Variants in HEATR5B observed in about 807,000 individuals in gnomAD.
HEATR5B encodes HEAT repeat containing 5B, also known as HEAT repeat-containing protein 5B.
In HEATR5B, 156 loss-of-function variants were observed where a neutral mutation model predicts 224.1. The observed-to-expected ratio is 0.70, with a 90% CI of 0.61 to 0.80. The LOEUF (loss-of-function observed/expected upper bound fraction) is 0.80. Among genes scored for constraint, HEATR5B ranks in the 30% least tolerant of loss-of-function variants. The probability of loss-of-function intolerance (pLI) is 0.00; values close to 1 mark genes in which losing one functional copy is unlikely to be tolerated. For missense variants in HEATR5B, 2,323 were observed against 2,535.5 expected (o/e 0.92, Z 1.80); for synonymous variants, 1,027 against 893.0 (o/e 1.15, Z -2.68).
At chr2:37,013,117 G>A (rs887418228) in intron 27 of HEATR5B, among the ~76,000 whole-genome samples, 21 of 152,154 alleles carry the variant, frequency 1.4e-4, no homozygotes, top group East Asian at 7.7e-4. Flanking sequence ...TTAGATTAGC[G>A]GAAAAGCTTA....
rs1158767769 is a variant in HEATR5B, at chr2:37,049,734, G to A, written c.2615C>T (p.Ala872Val). 1.9e-6 allele frequency: 3 copies of A among 1,613,480 alleles called. No homozygotes were observed. The highest frequency in any genetic ancestry group is 2.5e-6 in the Non-Finnish European group (3 of 1,179,906). The change falls in exon 18 of 36, where the codon GCG (alanine) becomes GTG (valine). Residue 872 changes from alanine (A) to valine (V), a missense_variant. By Grantham distance (64) the Ala-to-Val change is moderately conservative. Transcript: ENST00000233099. ...DNPNPILRCA[A>V]GEALGRMAQV... ...AGCCATTCTTCCAAGAGCTTCCCCC[G>A]CTGCACAACGTAAGATGGGGTTTGG...
rs193211285 is a variant in HEATR5B at position 37,030,988 on chromosome 2, G to A, written c.3361+1641C>T. On this transcript the variant is annotated intron_variant, in intron 22 of 35. Transcript: ENST00000233099. ...GAACATCTGCTTTCCTTCTGAGTCC[G>A]AACTTTTGGTATGTGCCAGGCAGGC... 1.1e-3 allele frequency among the ~76,000 whole-genome samples: 170 copies of A among 152,314 alleles called. 1 individual carries two copies. The highest frequency in any genetic ancestry group is 7.9e-3 in the South Asian group (38 of 4,826).
rs1215134401 is a variant in HEATR5B at position 37,007,302 on chromosome 2, C to A, written c.4525G>T (p.Gly1509Ter). The change falls in exon 29 of 36, where the codon GGA (glycine) becomes TGA (stop). Residue 1509 changes from glycine (G) to a stop codon, truncating the protein, a stop_gained and splice_region_variant. Transcript: ENST00000233099. LOFTEE classifies it high-confidence loss of function. Reference protein sequence around the residue: ...EFSSQLPPDGGAFYTPETIDT... With the variant: ...EFSSQLPPDG ...ATAGTTTCAGGGGTATAAAATGCTC[C>A]ACCTGTAAAGCAATCAAATCAATTA... 1 of 1,609,506 alleles carries A rather than the reference C, an allele frequency of 6.2e-7. No homozygotes were observed. Among genetic ancestry groups the A allele is most frequent in the Non-Finnish European group, 8.5e-7 (1 of 1,176,910 alleles).
At chr2:37,048,862 T>C (rs1027305460) in intron 18 of HEATR5B, among the ~76,000 whole-genome samples, 12 of 152,190 alleles carry the variant, frequency 7.9e-5, no homozygotes, top group African/African-American at 2.9e-4. Context: ...AGATAGGCAA[T>C]AATTCAGAAA....
At chr2:37,016,729 T>C (rs896947510) in intron 26 of HEATR5B, among the ~76,000 whole-genome samples, 1 of 152,330 alleles carries the variant, frequency 6.6e-6, no homozygotes, top group East Asian at 1.9e-4. Flanking sequence ...TTTCAAATCA[T>C]GGCTAATGGA....
At chr2:36,989,862 G>T (rs1205083451) in intron 34 of HEATR5B, among the ~76,000 whole-genome samples, 1 of 145,918 alleles carries the variant, frequency 6.9e-6, no homozygotes, top group Non-Finnish European at 1.5e-5. Context: ...TGGAGACTCA[G>T]ATTCAGGAAG....
At chr2:37,026,514 C>T (rs536366788) in intron 24 of HEATR5B, among the ~76,000 whole-genome samples, 1 of 152,216 alleles carries the variant, frequency 6.6e-6, no homozygotes, top group South Asian at 2.1e-4. Context: ...GAAATGAATA[C>T]CATGTGTTTT....
intron 33 of HEATR5B, among the ~76,000 whole-genome samples, chr2:36,999,016 CAG>C (rs577719215): frequency 5.7e-4 from 86 of 152,170 alleles, no homozygotes; most frequent in Middle Eastern, 3.4e-3. Flanking sequence ...AGTTCAAGAC[CAG>C]GCTGGCCAAC....
chr2:37,068,283 C>T (rs760563780), intron 8 of HEATR5B, among the ~76,000 whole-genome samples: 4 of 152,078 alleles, frequency 2.6e-5, no homozygotes, highest in Admixed American at 1.3e-4. Context: ...GTAATTGTTC[C>T]TCTCTAAGTT....
intron 26 of HEATR5B, 50 bp downstream of exon 26, chr2:37,019,759 T>C (rs1668351919): frequency 1.6e-6 from 2 of 1,248,686 alleles, no homozygotes; most frequent in East Asian, 4.7e-5. Flanking sequence ...TTCTAAGATA[T>C]CTATGAATGT....
chr2:37,064,422 G>A (rs2148569762), intron 10 of HEATR5B, among the ~76,000 whole-genome samples: 1 of 151,916 alleles, frequency 6.6e-6, no homozygotes, highest in East Asian at 1.9e-4. Flanking sequence ...CAGTAGCTAG[G>A]ACCATGAAGT....
At chr2:37,017,761 G>A (rs1371483203) in intron 26 of HEATR5B, among the ~76,000 whole-genome samples, 1 of 146,468 alleles carries the variant, frequency 6.8e-6, no homozygotes, top group Non-Finnish European at 1.5e-5. Context: ...TGTTTATGAA[G>A]AATGACAAAG....
chr2:37,075,104 A>C (rs867773254), intron 5 of HEATR5B, among the ~76,000 whole-genome samples: 1 of 152,226 alleles, frequency 6.6e-6, no homozygotes, highest in African/African-American at 2.4e-5. Context: ...TTGTGCAAAA[A>C]CTTATATACA....
chr2:37,029,639 G>T (rs1043494842), intron 22 of HEATR5B, among the ~76,000 whole-genome samples: 1 of 150,906 alleles, frequency 6.6e-6, no homozygotes, highest in Non-Finnish European at 1.5e-5. Flanking sequence ...ACTCCAGCCT[G>T]GACCACAAGA....
chr2:37,057,253 C>T, intron 15 of HEATR5B, 64 bp downstream of exon 15: 1 of 1,240,302 alleles, frequency 8.1e-7, no homozygotes, highest in Non-Finnish European at 1.1e-6. Flanking sequence ...TTTTAAGTGA[C>T]AATGTGTAAT....
At chr2:37,008,983 G>T in intron 27 of HEATR5B, 135 bp from the exon 28 acceptor site, 1 of 716,308 alleles carries the variant, frequency 1.4e-6, no homozygotes, top group South Asian at 1.8e-5. Context: ...ACTTTGGCTG[G>T]GTGCGGTGGC....
chr2:37,075,763 G>C (rs1414448810), intron 4 of HEATR5B, 129 bp from the exon 5 acceptor site: 8 of 546,870 alleles, frequency 1.5e-5, no homozygotes, highest in African/African-American at 7.8e-5. Flanking sequence ...ATAATGAAAA[G>C]TACAATAAAA....
At position 37,049,612 on chromosome 2, in the gene HEATR5B, T is replaced by C. The variant is rs115309023; in HGVS notation, c.2696+41A>G. ...GTTGATTATTATTTAAAAGACATCTTTGCCTACACATGAAACTTGTTAGTA... is the reference window on the plus strand; with the variant it reads ...GTTGATTATTATTTAAAAGACATCTCTGCCTACACATGAAACTTGTTAGTA... On this transcript the variant is annotated intron_variant, in intron 18 of 35. Transcript: ENST00000233099. 1,155 of 1,507,838 alleles carry C rather than the reference T, an allele frequency of 7.7e-4. 5 individuals are homozygous for C. In the African/African-American group the frequency reaches 0.014, roughly 18 times the overall value. 93.4% of individuals were successfully genotyped at this position (1,507,838 alleles called of 1,614,324 possible). A position where few individuals can be genotyped will look rare whatever the true frequency, so the allele number is the denominator to read the frequency against.
chr2:37,081,622 G>A (rs1025233295), intron 2 of HEATR5B, among the ~76,000 whole-genome samples: 4 of 152,178 alleles, frequency 2.6e-5, no homozygotes, highest in African/African-American at 9.7e-5. Context: ...GGGAATGGTT[G>A]AGAGTCTAAT....
Sources: gnomAD v4.1 joint callset for allele counts (sites outside exome capture counted in the v4.1 genomes callset) on GRCh38, gnomAD v4.1.1 for gene constraint, MANE v1.5 for transcripts, NCBI Gene and HGNC (gene_info 2026-07-23, HGNC 2026-07-21) for gene names.